Variants in HIVEP1 observed in about 807,000 individuals in gnomAD.
HIVEP1 encodes the protein HIVEP zinc finger 1, also known as zinc finger protein 40.
Under a neutral mutation model 180.0 loss-of-function variants are expected in HIVEP1, and 36 were observed. That is an observed-to-expected ratio of 0.20 (90% CI 0.15 to 0.26). The LOEUF is 0.26. HIVEP1 is among the 10% of genes least tolerant of loss of function. The pLI is 1.00. For synonymous variants in HIVEP1, 1,239 were observed against 1,239.0 expected, an observed-to-expected ratio of 1.00 and a Z score of 0.00; for missense variants, 3,143 against 3,268.7, an observed-to-expected ratio of 0.96 and a Z score of 0.94.
chr6:12,135,949 C>G, intron 7 of HIVEP1, 57 bp downstream of exon 7: 1 of 1,067,340 alleles, frequency 9.4e-7, no homozygotes, highest in South Asian at 1.3e-5. Flanking sequence ...AATTTTTTTG[C>G]TTCCATACCC....
At chr6:12,090,735 C>CTTT (rs35266647) in intron 3 of HIVEP1, among the ~76,000 whole-genome samples, 1,038 of 82,424 alleles carry the variant, frequency 0.013, 42 homozygotes, top group South Asian at 0.023. Flanking sequence ...TATAGCCAGC[C>CTTT]TTTTTTTTTT....
chr6:12,085,022 T>C (rs1773029009), intron 2 of HIVEP1, among the ~76,000 whole-genome samples: 2 of 152,104 alleles, frequency 1.3e-5, no homozygotes, highest in Admixed American at 6.5e-5. Flanking sequence ...CAGTGCCAGT[T>C]TTCAGTTTGT....
At chr6:12,142,092 C>G (rs1470546796) in intron 7 of HIVEP1, among the ~76,000 whole-genome samples, 1 of 152,198 alleles carries the variant, frequency 6.6e-6, no homozygotes, top group African/African-American at 2.4e-5. Context: ...TTCTTCTCAG[C>G]ACCACATCGC....
At chr6:12,019,958 G>C (rs55964029) in intron 2 of HIVEP1, among the ~76,000 whole-genome samples, 1 of 152,202 alleles carries the variant, frequency 6.6e-6, no homozygotes, top group South Asian at 2.1e-4. Context: ...TCATGGAAGA[G>C]TATAGAAAGT....
At chr6:12,051,310 A>G (rs1187430674) in intron 2 of HIVEP1, among the ~76,000 whole-genome samples, 1 of 151,764 alleles carries the variant, frequency 6.6e-6, no homozygotes, top group Non-Finnish European at 1.5e-5. Context: ...TTATAAATGC[A>G]GGGTTCATTT....
At chr6:12,176,292 G>A in the HIVEP1 span, among the ~76,000 whole-genome samples, 4 of 142,936 alleles carry the variant, frequency 2.8e-5, no homozygotes, top group African/African-American at 1.0e-4. Flanking sequence ...GGAGTGTGAT[G>A]GCTGATCTCG....
At chr6:12,094,652 G>A (rs970247449) in intron 3 of HIVEP1, among the ~76,000 whole-genome samples, 1 of 151,988 alleles carries the variant, frequency 6.6e-6, no homozygotes, top group Non-Finnish European at 1.5e-5. Context: ...ATTTGGTCAT[G>A]ATGTTTAATC....
At chr6:12,132,842 C>T (rs1758499279) in intron 6 of HIVEP1, among the ~76,000 whole-genome samples, 1 of 152,132 alleles carries the variant, frequency 6.6e-6, no homozygotes, top group Non-Finnish European at 1.5e-5. Context: ...TGGCATGACA[C>T]TTCTCTTTTT....
Position 12,123,060 on chromosome 6 carries a change from C to A in HIVEP1, c.3265C>A (p.Gln1089Lys). ...SDQQHKNIQL[Q>K]NSHIHLVARG... ...CCAGCAGCATAAAAATATACAGTTG[C>A]AAAACTCCCATATTCACCTTGTTGC... Residue 1089 changes from glutamine (Q) to lysine (K), a missense_variant, in exon 4 of 9, where the codon CAA becomes AAA. This residue lies in a region of HIVEP1 where 1,357 missense variants were observed against 1,260.5 expected (regional missense o/e 1.08). Coordinates refer to ENST00000379388, the MANE Select transcript of HIVEP1 (RefSeq NM_002114.4). 6.2e-7 allele frequency: 1 copy of A among 1,614,136 alleles called. No homozygotes were observed. The highest frequency in any genetic ancestry group is 1.3e-5 in the African/African-American group (1 of 75,012).
chr6:12,035,793 T>G (rs527317351), intron 2 of HIVEP1, among the ~76,000 whole-genome samples: 1 of 152,142 alleles, frequency 6.6e-6, no homozygotes, highest in Non-Finnish European at 1.5e-5. Flanking sequence ...GTAGGAAATA[T>G]AGAAAAACAT....
At chr6:12,104,378 T>TTCTC (rs921441156) in intron 3 of HIVEP1, among the ~76,000 whole-genome samples, 2 of 146,136 alleles carry the variant, frequency 1.4e-5, no homozygotes, top group African/African-American at 5.0e-5. Context: ...CTCTCTCTCT[T>TTCTC]TCTCTCTCTC....
At chr6:12,012,085 G>C (rs1412873656), upstream of HIVEP1, 3 of 146,920 alleles carry the variant, frequency 2.0e-5, no homozygotes, top group Non-Finnish European at 4.6e-5. Context: ...TCCCGCCCCG[G>C]GCCCCGCGGC....
chr6:12,014,013 T>C (rs1767575806), intron 1 of HIVEP1, among the ~76,000 whole-genome samples: 1 of 152,252 alleles, frequency 6.6e-6, no homozygotes, highest in South Asian at 2.1e-4. Context: ...CCTTCCCATA[T>C]AGGCTTTCTT....
intron 2 of HIVEP1, among the ~76,000 whole-genome samples, chr6:12,059,379 G>T (rs968550199): frequency 5.3e-5 from 8 of 151,530 alleles, no homozygotes; most frequent in Non-Finnish European, 1.2e-4. Flanking sequence ...GGGGGGCGGG[G>T]TACAGAGGTT....
downstream of HIVEP1, among the ~76,000 whole-genome samples, chr6:12,167,688 T>TATATAC (rs1562023810): frequency 4.6e-4 from 9 of 19,748 alleles, 1 homozygote; most frequent in African/African-American, 1.8e-3. Context: ...ATGTGTATAA[T>TATATAC]ATATATACAT....
the HIVEP1 span, among the ~76,000 whole-genome samples, chr6:12,181,036 T>C: frequency 6.6e-6 from 1 of 152,348 alleles, no homozygotes; most frequent in South Asian, 2.1e-4. Context: ...ATTCTGACTA[T>C]ACATATGTTT....
intron 3 of HIVEP1, among the ~76,000 whole-genome samples, chr6:12,102,850 GTGT>G (rs1774193143): frequency 6.6e-6 from 1 of 152,120 alleles, no homozygotes; most frequent in Non-Finnish European, 1.5e-5. Context: ...TTGTGACCCA[GTGT>G]TGTTATGTTG....
chr6:12,074,977 A>T (rs532013290), intron 2 of HIVEP1, among the ~76,000 whole-genome samples: 1 of 152,230 alleles, frequency 6.6e-6, no homozygotes, highest in East Asian at 1.9e-4. Flanking sequence ...TGTATTAGAT[A>T]TCGTTTAAAT....
rs576715300 is a variant in HIVEP1, at chr6:12,149,485, A to G, written c.6488-11954A>G. Among the ~76,000 whole-genome samples, 3 of 152,236 alleles carry G rather than the reference A, an allele frequency of 2.0e-5. No homozygotes were observed. In the South Asian group the frequency reaches 6.2e-4, roughly 32 times the overall value. Reference sequence around the variant, plus strand: ...TCATTCATTAAACAAAATGTACTAAACACTTAAGAGGCAGTCAGTGTTACT... The same window carrying G: ...TCATTCATTAAACAAAATGTACTAAGCACTTAAGAGGCAGTCAGTGTTACT... On this transcript the variant is annotated intron_variant, in intron 7 of 8. Coordinates refer to ENST00000379388, the MANE Select transcript of HIVEP1 (RefSeq NM_002114.4).
Sources: gnomAD v4.1 joint callset for allele counts (sites outside exome capture counted in the v4.1 genomes callset) on GRCh38, gnomAD v4.1.1 for gene constraint, gnomAD v4.1.1 regional missense constraint, MANE v1.5 for transcripts, NCBI Gene and HGNC (gene_info 2026-07-23, HGNC 2026-07-21) for gene names.